Variants in NPIPB2 observed in about 807,000 individuals in gnomAD.
NPIPB2 encodes the protein nuclear pore complex-interacting protein family member B2.
NPIPB2 carries 27 observed loss-of-function variants against 30.8 expected under a neutral mutation model. The ratio of observed to expected loss-of-function variants is 0.88; its 90% CI spans 0.65 to 1.21. NPIPB2 has a LOEUF of 1.21. Among genes scored for constraint, NPIPB2 ranks in the 50% most tolerant of loss-of-function variants. The pLI, the probability that NPIPB2 is intolerant of heterozygous loss-of-function variation, is 0.00. For synonymous variants in NPIPB2, 147 were observed against 162.0 expected (o/e 0.91, Z 0.70); for missense variants, 440 against 446.2 (o/e 0.99, Z 0.13).
rs779798507 is a variant in NPIPB2, at chr16:11,931,637, T to G, written c.489-1086A>C. Among the ~76,000 whole-genome samples, 633 of 148,700 alleles carry G rather than the reference T, an allele frequency of 4.3e-3. 3 individuals are homozygous for G. The highest frequency in any genetic ancestry group is 7.8e-3 in the Non-Finnish European group (521 of 66,792). On this transcript the variant is annotated intron_variant, in intron 4 of 7. Coordinates refer to ENST00000399147, the Ensembl canonical transcript of NPIPB2. ...TGCAAATGAGAAGCCAGTGAGGACA[T>G]CACTACTCCTGCTGTGCACTTGGGA... is the stretch of plus-strand genomic sequence containing the variant.
At chr16:11,957,719 G>C (rs1199196295) in intron 1 of NPIPB2, among the ~76,000 whole-genome samples, 1 of 152,146 alleles carries the variant, frequency 6.6e-6, no homozygotes, top group Non-Finnish European at 1.5e-5. Context: ...TCAGCCTCAA[G>C]ACTGAAACAC....
chr16:11,941,983 C>T lies in NPIPB2; in HGVS notation c.63G>A (p.Trp21Ter). ...CAGGATGGCAGGAAGAACCTCATAC[C>T]CAAGCAGAGTGCCAGGTTTTACAGC... The change falls in exon 1 of 8, where the codon TGG becomes TGA. Residue 21 changes from tryptophan (W) to a stop codon, truncating the protein, a stop_gained and splice_region_variant. Transcript: ENST00000399147. LOFTEE classifies it high-confidence loss of function. 8.9e-7 allele frequency: 1 copy of T among 1,128,778 alleles called. No individual in the cohort carries two copies. The highest frequency in any genetic ancestry group is 1.3e-6 in the Non-Finnish European group (1 of 780,842). The allele number at this position is 1,128,778 out of a possible 1,614,324, so 69.9% of individuals were successfully genotyped here.
intron 1 of NPIPB2, chr16:11,965,179 C>A: frequency 1.0e-6 from 1 of 977,168 alleles, no homozygotes; most frequent in Non-Finnish European, 1.5e-6. Context: ...ACAGACAGCC[C>A]CCGTAAGAAC....
At chr16:11,970,884 T>G (rs1242613555) in intron 1 of NPIPB2, among the ~76,000 whole-genome samples, 2 of 147,558 alleles carry the variant, frequency 1.4e-5, no homozygotes, top group African/African-American at 2.5e-5. Context: ...AGATAGGGTC[T>G]TACTCCAATG....
chr16:11,965,426 T>C, intron 1 of NPIPB2: 1 of 1,614,100 alleles, frequency 6.2e-7, no homozygotes, highest in Non-Finnish European at 8.5e-7. Context: ...ATACTCCTCC[T>C]CTAACATGTC....
chr16:11,933,228 G>C (rs369257235), intron 4 of NPIPB2, among the ~76,000 whole-genome samples: 35 of 151,686 alleles, frequency 2.3e-4, no homozygotes, highest in African/African-American at 8.0e-4. Context: ...CTACAGCCTG[G>C]GCAACAAGAG....
At chr16:11,967,545 A>T (rs762668392) in intron 1 of NPIPB2, 1 of 1,599,636 alleles carries the variant, frequency 6.3e-7, no homozygotes, top group Non-Finnish European at 8.5e-7. Context: ...AGTTTGGGTT[A>T]ATGTTTCCGT....
At chr16:11,931,533 A>G (rs1224112868) in intron 4 of NPIPB2, among the ~76,000 whole-genome samples, 2 of 152,214 alleles carry the variant, frequency 1.3e-5, no homozygotes, top group East Asian at 3.8e-4. Context: ...GTGGCCTCAA[A>G]CAAGGTGTGT....
Position 11,930,433 on chromosome 16 carries a change from T to A in NPIPB2, c.590+17A>T, listed in dbSNP as rs1458258779. ...TGGGCGTTTCCCAAGAGGGTGGGGT[T>A]CAGTTTCTGAACTCACATGTAGGTG... On this transcript the variant is annotated intron_variant, in intron 5 of 7. Coordinates refer to ENST00000399147, the Ensembl canonical transcript of NPIPB2. 6.5e-7 allele frequency: 1 copy of A among 1,543,206 alleles called. No individual in the cohort carries two copies. The highest frequency in any genetic ancestry group is 2.4e-5 in the East Asian group (1 of 41,992).
chr16:11,972,020 C>A (rs2150945603), intron 1 of NPIPB2, among the ~76,000 whole-genome samples: 1 of 152,006 alleles, frequency 6.6e-6, no homozygotes, highest in East Asian at 2.0e-4. Context: ...GTGGCAGGCA[C>A]CTGTAATCCC....
chr16:11,937,554 T>C (rs1217420127), exon 2 of NPIPB2: 27 of 1,597,664 alleles, frequency 1.7e-5, no homozygotes, highest in Non-Finnish European at 2.1e-5. Context: ...AGGTAAACTG[T>C]CCAGAGGGTA....
intron 1 of NPIPB2, among the ~76,000 whole-genome samples, chr16:11,961,463 C>T (rs3851002): frequency 0.11 from 16,884 of 151,954 alleles, 1,346 homozygotes; most frequent in Admixed American, 0.19. Flanking sequence ...ATGATTTTAG[C>T]ATTTATTATG....
chr16:11,966,427 T>G, intron 1 of NPIPB2: 1 of 1,390,412 alleles, frequency 7.2e-7, no homozygotes, highest in Non-Finnish European at 9.9e-7. Flanking sequence ...TAGCGTTGAC[T>G]ATTTCACTTC....
At chr16:11,927,508 C>G in exon 8 of NPIPB2, 2 of 1,535,872 alleles carry the variant, frequency 1.3e-6, no homozygotes, top group Non-Finnish European at 1.8e-6. Flanking sequence ...CCCTCCGCCT[C>G]TTGGGTTCGG....
At chr16:11,969,707 T>C (rs1342756930) in intron 1 of NPIPB2, among the ~76,000 whole-genome samples, 2 of 152,314 alleles carry the variant, frequency 1.3e-5, no homozygotes, top group Admixed American at 6.5e-5. Context: ...TTACTATAAT[T>C]ACACAAGTAA....
chr16:11,947,322 T>TTATTTATTTATTTATTTA (rs144577397), intron 1 of NPIPB2, among the ~76,000 whole-genome samples: 1 of 119,998 alleles, frequency 8.3e-6, no homozygotes, highest in Non-Finnish European at 1.6e-5. Context: ...ATTTATTTAT[T>TTATTTATTTATTTATTTA]TATATATATA....
chr16:11,946,555 G>A (rs183369607), upstream of NPIPB2, among the ~76,000 whole-genome samples: 12 of 152,032 alleles, frequency 7.9e-5, no homozygotes, highest in Non-Finnish European at 1.3e-4. Context: ...CCTGGGCAAC[G>A]GAGTGAGACC....
intron 1 of NPIPB2, among the ~76,000 whole-genome samples, chr16:11,940,687 G>A (rs2054925915): frequency 7.0e-6 from 1 of 142,852 alleles, no homozygotes; most frequent in South Asian, 2.2e-4. Context: ...TTGAACCCCG[G>A]AAGCGGAGGT....
upstream of NPIPB2, among the ~76,000 whole-genome samples, chr16:11,944,818 A>T (rs957868782): frequency 8.6e-5 from 13 of 151,366 alleles, no homozygotes; most frequent in African/African-American, 2.9e-4. Context: ...TTTAGGCCAG[A>T]TGCTGTTACC....
Sources: allele counts gnomAD v4.1 joint callset (sites outside exome capture counted in the v4.1 genomes callset), GRCh38; gene constraint gnomAD v4.1.1; transcripts MANE v1.5; gene names NCBI Gene and HGNC (gene_info 2026-07-23, HGNC 2026-07-21).